The following ARHGEF6 variants were observed in gnomAD, a reference collection of about 807,000 sequenced individuals.
The protein encoded by ARHGEF6 is rho guanine nucleotide exchange factor 6.
In ARHGEF6, 9 loss-of-function variants were observed where a neutral mutation model predicts 70.3. The observed-to-expected ratio is 0.13, with a 90% CI of 0.08 to 0.22. The LOEUF (loss-of-function observed/expected upper bound fraction) is 0.22. Ranked by LOEUF, ARHGEF6 falls within the 10% of genes least tolerant of loss-of-function variation. ARHGEF6 has a pLI of 1.00. For synonymous variants in ARHGEF6, 201 were observed against 207.8 expected (o/e 0.97, Z 0.28); for missense variants, 470 against 563.0 (o/e 0.83, Z 1.67).
intron 5 of ARHGEF6, among the ~76,000 whole-genome samples, chrX:136,741,190 G>T (rs1357964460): frequency 1.8e-5 from 2 of 111,512 alleles, no homozygotes; most frequent in Non-Finnish European, 3.8e-5. Flanking sequence ...GGTTGTCGGG[G>T]GGAGAGTGCA....
At chrX:136,776,880 T>TAAATAAAA (rs1394049110) in intron 2 of ARHGEF6, among the ~76,000 whole-genome samples, 7 of 79,739 alleles carry the variant, frequency 8.8e-5, no homozygotes, top group Non-Finnish European at 1.5e-4. Context: ...AATAAATAGA[T>TAAATAAAA]AAATAAATAA....
At chrX:136,750,207 T>G (rs906220926) in intron 2 of ARHGEF6, among the ~76,000 whole-genome samples, 10 of 112,183 alleles carry the variant, frequency 8.9e-5, no homozygotes, top group Non-Finnish European at 1.9e-4. Flanking sequence ...GACCACTTTT[T>G]CTAGGACTAA....
intron 16 of ARHGEF6, among the ~76,000 whole-genome samples, chrX:136,678,795 T>G (rs145548472): frequency 2.2e-4 from 25 of 111,671 alleles, no homozygotes; most frequent in African/African-American, 7.8e-4. Context: ...AAGACCAATT[T>G]AAAGAACAGT....
intron 9 of ARHGEF6, among the ~76,000 whole-genome samples, chrX:136,693,307 C>CT (rs2076476970): frequency 8.9e-6 from 1 of 111,920 alleles, no homozygotes; most frequent in African/African-American, 3.2e-5. Flanking sequence ...AACACTGGTT[C>CT]TTCAGAAAAG....
intron 4 of ARHGEF6, among the ~76,000 whole-genome samples, chrX:136,744,203 A>C (rs775928599): frequency 8.0e-5 from 9 of 112,051 alleles, no homozygotes; most frequent in Non-Finnish European, 1.5e-4. Context: ...TACCCTCCAT[A>C]AAATCTGCCT....
intron 2 of ARHGEF6, chrX:136,767,471 G>A (rs2077328501): frequency 1.3e-6 from 1 of 754,080 alleles, no homozygotes; most frequent in Admixed American, 8.6e-5. Context: ...CCCAGGGATT[G>A]TTTTTTAATC....
chrX:136,680,981 T>C lies in ARHGEF6; in HGVS notation c.1559-105A>G, dbSNP rs2076328011. The stretch of plus-strand genomic sequence containing the variant: ...ATACAACTAGGACTTGGGTGTGTAT[T>C]TTCAGGGGTTTTCATACCTATGGGA... On this transcript the variant is annotated intron_variant, in intron 14 of 21. Transcript: ENST00000250617. 5.5e-6 allele frequency: 5 copies of C among 906,236 alleles called. No homozygotes were observed. In the Admixed American group the frequency reaches 1.1e-4, roughly 20 times the overall value. 74.7% of individuals were successfully genotyped at this position (906,236 alleles called of 1,213,427 possible). A position where few individuals can be genotyped will look rare whatever the true frequency, so the allele number is the denominator to read the frequency against.
chrX:136,727,425 C>CTT (rs2076879127), intron 6 of ARHGEF6, among the ~76,000 whole-genome samples: 2 of 95,272 alleles, frequency 2.1e-5, no homozygotes, highest in Admixed American at 1.2e-4. Context: ...TTCTTTCTTT[C>CTT]TTTCCTTCTT....
At chrX:136,776,120 A>G (rs976047921) in intron 2 of ARHGEF6, among the ~76,000 whole-genome samples, 13 of 111,796 alleles carry the variant, frequency 1.2e-4, no homozygotes, top group African/African-American at 4.2e-4. Context: ...ACTGCTAAAA[A>G]CAATCTACAA....
intron 2 of ARHGEF6, among the ~76,000 whole-genome samples, chrX:136,760,342 G>C (rs1438049136): frequency 8.9e-6 from 1 of 112,394 alleles, no homozygotes; most frequent in African/African-American, 3.2e-5. Context: ...CTCTCAGACT[G>C]ATCCTTGAGG....
intron 9 of ARHGEF6, among the ~76,000 whole-genome samples, chrX:136,693,937 G>A (rs1232462820): frequency 1.8e-5 from 2 of 111,671 alleles, no homozygotes; most frequent in Non-Finnish European, 3.8e-5. Flanking sequence ...CTGGCCAGTG[G>A]AAAATTTCAA....
chrX:136,698,302 T>C (rs1381069664), intron 9 of ARHGEF6, among the ~76,000 whole-genome samples: 1 of 110,580 alleles, frequency 9.0e-6, no homozygotes, highest in East Asian at 2.8e-4. Flanking sequence ...ATATACATAA[T>C]GGAAGTACTA....
chrX:136,768,078 C>T (rs1246452399), intron 2 of ARHGEF6, among the ~76,000 whole-genome samples: 1 of 111,037 alleles, frequency 9.0e-6, no homozygotes, highest in Non-Finnish European at 1.9e-5. Context: ...AGATGCAACT[C>T]AGAACCCCCA....
At position 136,675,036 on chromosome X, in the gene ARHGEF6, C is replaced by G. The variant is rs1163887909; in HGVS notation, c.2006G>C (p.Ser669Thr). The G allele has an allele frequency of 8.3e-7, 1 of 1,211,803 alleles. No homozygotes were observed. Among genetic ancestry groups the G allele is most frequent in the South Asian group, 1.8e-5 (1 of 56,993 alleles). Residue 669 changes from serine to threonine, a missense_variant, in exon 19 of 22, where the codon AGC becomes ACC. By Grantham distance (58) the Ser-to-Thr change is moderately conservative. Coordinates refer to ENST00000250617, the MANE Select transcript of ARHGEF6 (RefSeq NM_004840.3). ...GCCATGGCCTTGTTGAAAATTTGCGCTGGTGCAGTAGGCTTCGATCACTTT... is the reference window on the plus strand; with the variant it reads ...GCCATGGCCTTGTTGAAAATTTGCGGTGGTGCAGTAGGCTTCGATCACTTT... Reference protein sequence around the residue: ...ILKVIEAYCTSANFQQGHGSS... With the variant: ...ILKVIEAYCTTANFQQGHGSS...
chrX:136,763,553 G>A (rs1035828777), intron 2 of ARHGEF6, among the ~76,000 whole-genome samples: 2 of 112,229 alleles, frequency 1.8e-5, no homozygotes, highest in African/African-American at 6.5e-5. Flanking sequence ...GGCCGGGCAC[G>A]GTGGCTTACG....
intron 2 of ARHGEF6, among the ~76,000 whole-genome samples, chrX:136,749,187 A>G (rs1171830948): frequency 3.6e-5 from 4 of 111,943 alleles, no homozygotes; most frequent in Non-Finnish European, 7.5e-5. Context: ...CATTGACAAG[A>G]GTTTTGTTTT....
chrX:136,746,174 A>T (rs1364050958), intron 3 of ARHGEF6, among the ~76,000 whole-genome samples: 1 of 112,301 alleles, frequency 8.9e-6, no homozygotes, highest in Non-Finnish European at 1.9e-5. Flanking sequence ...TATTTTATAA[A>T]TATCTGTGGC....
Position 136,767,280 on chromosome X carries a change from G to A in ARHGEF6, c.249+12134C>T. 6 of 754,872 alleles carry A rather than the reference G, an allele frequency of 7.9e-6. No homozygotes were observed. In the South Asian group the frequency reaches 3.4e-4, roughly 42 times the overall value. The allele number at this position is 754,872 out of a possible 1,213,427, so 62.2% of individuals were successfully genotyped here. A position where few individuals can be genotyped will look rare whatever the true frequency, so the allele number is the denominator to read the frequency against. Reference sequence around the variant, plus strand: ...GGGCAAGCCTGTGCCAAGGCTGCGGGAACAGATCAACCCAGCCGGAGCTGG... The same window carrying A: ...GGGCAAGCCTGTGCCAAGGCTGCGGAAACAGATCAACCCAGCCGGAGCTGG... On this transcript the variant is annotated intron_variant, in intron 2 of 21. Transcript: ENST00000250617.
intron 6 of ARHGEF6, among the ~76,000 whole-genome samples, chrX:136,720,351 A>C (rs1034509874): frequency 1.8e-5 from 2 of 112,115 alleles, no homozygotes; most frequent in Non-Finnish European, 3.8e-5. Flanking sequence ...TCACTAATGT[A>C]ATCTATCACA....
Sources: gnomAD v4.1 joint callset for allele counts (sites outside exome capture counted in the v4.1 genomes callset) on GRCh38, gnomAD v4.1.1 for gene constraint, MANE v1.5 for transcripts, NCBI Gene and HGNC (gene_info 2026-07-23, HGNC 2026-07-21) for gene names.